The following RPS18 variants were observed in gnomAD, a reference collection of about 807,000 sequenced individuals.
RPS18 encodes small ribosomal subunit protein uS13.
For synonymous variants in RPS18, 64 were observed against 70.9 expected (o/e 0.90, Z 0.49); for missense variants, 49 against 200.8 (o/e 0.24, Z 4.57).
At chr6:33,272,825 C>T (rs1765323566) in intron 2 of RPS18, 99 bp downstream of exon 2, 3 of 754,630 alleles carry the variant, frequency 4.0e-6, no homozygotes, top group South Asian at 1.4e-5. Flanking sequence ...TGAGTCTCAT[C>T]CAGATCACCT....
At position 33,276,377 on chromosome 6, in the gene RPS18, CTT is replaced by C. The variant is rs761087626; in HGVS notation, c.384-10_384-9del. ...GCTGTGCATGACCTGTGACTCTTCTCTTTTTACCTGCAGCCTTCGTGTCCGAG... is the reference window on the plus strand; with the variant it reads ...GCTGTGCATGACCTGTGACTCTTCTCTTTACCTGCAGCCTTCGTGTCCGAG... On this transcript the variant is annotated splice_polypyrimidine_tract_variant and intron_variant, in intron 5 of 5. Transcript: ENST00000439602. The C allele has an allele frequency of 8.7e-6, 14 of 1,613,768 alleles. No individual in the cohort carries two copies. The highest frequency in any genetic ancestry group is 1.1e-5 in the Non-Finnish European group (13 of 1,179,818).
chr6:33,272,955 C>T (rs1026553450), intron 2 of RPS18, among the ~76,000 whole-genome samples: 4 of 152,142 alleles, frequency 2.6e-5, no homozygotes, highest in African/African-American at 9.7e-5. Context: ...AAACATTTCA[C>T]CTGGGGAAGT....
chr6:33,275,104 A>G (rs7771361), intron 2 of RPS18, among the ~76,000 whole-genome samples: 4,636 of 152,246 alleles, frequency 0.03, 157 homozygotes, highest in African/African-American at 0.085. Context: ...TGACAGCCCA[A>G]TACCTTAATC....
chr6:33,275,044 G>A (rs188626460), intron 2 of RPS18, among the ~76,000 whole-genome samples: 3 of 152,250 alleles, frequency 2.0e-5, no homozygotes, highest in Non-Finnish European at 1.5e-5. Context: ...TGATTATGGG[G>A]ATACAGTGAT....
At chr6:33,272,207 C>G (rs28362657) in intron 1 of RPS18, 85 bp downstream of exon 1, 1 of 1,439,712 alleles carries the variant, frequency 6.9e-7, no homozygotes, top group East Asian at 2.5e-5. Flanking sequence ...AAACGTCCTG[C>G]CCTGAGGGCC....
rs199680581 is a variant in RPS18, at chr6:33,275,782, C to T, written c.103-15C>T. On this transcript the variant is annotated splice_polypyrimidine_tract_variant and intron_variant, in intron 2 of 5. Coordinates refer to ENST00000439602, the MANE Select transcript of RPS18 (RefSeq NM_022551.3). The stretch of plus-strand genomic sequence containing the variant: ...CAGATTCAACACTAATTCCGAAACC[C>T]CTCACTTCATTCAGGGTGTGGGCCG... 2 of 1,562,792 alleles carry T rather than the reference C, an allele frequency of 1.3e-6. No homozygotes were observed. Among genetic ancestry groups the T allele is most frequent in the Admixed American group, 1.7e-5 (1 of 59,934 alleles).
rs139571817 is a variant in RPS18, at chr6:33,272,746, G to T, written c.102+20G>T. The T allele has an allele frequency of 8.6e-7, 1 of 1,159,504 alleles. No homozygotes were observed. The highest frequency in any genetic ancestry group is 1.7e-5 in the Admixed American group (1 of 59,462). 71.8% of individuals were successfully genotyped at this position (1,159,504 alleles called of 1,614,324 possible). A position where few individuals can be genotyped will look rare whatever the true frequency, so the allele number is the denominator to read the frequency against. ...ATTAAGGTAAGTGAAGTAGGGTAAG[G>T]AATAGGGAATGTAAATGAGAATTGG... On this transcript the variant is annotated intron_variant, in intron 2 of 5. Transcript: ENST00000439602.
In RPS18 at chr6:33,272,752, G is replaced by A. The variant is rs758579787; in HGVS notation, c.102+26G>A. Reference sequence around the variant, plus strand: ...GTAAGTGAAGTAGGGTAAGGAATAGGGAATGTAAATGAGAATTGGGTTGTG... The same window carrying A: ...GTAAGTGAAGTAGGGTAAGGAATAGAGAATGTAAATGAGAATTGGGTTGTG... On this transcript the variant is annotated intron_variant, in intron 2 of 5. Coordinates refer to ENST00000439602, the MANE Select transcript of RPS18 (RefSeq NM_022551.3). 2.7e-6 allele frequency: 3 copies of A among 1,120,668 alleles called. No individual in the cohort carries two copies. The Admixed American group carries it at 5.0e-5, about 19-fold the overall frequency. The allele number at this position is 1,120,668 out of a possible 1,614,324, so 69.4% of individuals were successfully genotyped here.
At position 33,273,193 on chromosome 6, in the gene RPS18, A is replaced by G. The variant is rs575121196; in HGVS notation, c.102+467A>G. 2.6e-5 allele frequency among the ~76,000 whole-genome samples: 4 copies of G among 152,228 alleles called. No individual in the cohort carries two copies. In the South Asian group the frequency reaches 8.3e-4, roughly 32 times the overall value. On this transcript the variant is annotated intron_variant, in intron 2 of 5. Coordinates refer to ENST00000439602, the MANE Select transcript of RPS18 (RefSeq NM_022551.3). ...AAGAAGCCTGTAGATGGAGGGTGGA[A>G]GAAGTCTGAGTGGGACATTTACTCA...
rs1341294500 is a variant in RPS18, at chr6:33,276,014, C to G, written c.239C>G (p.Pro80Arg). The change falls in exon 4 of 6, where the codon CCA (proline) becomes CGA (arginine). Residue 80 changes from proline to arginine, a missense_variant. Pro to Arg is a moderately radical substitution (Grantham distance 103). Transcript: ENST00000439602. Reference sequence around the variant, plus strand: ...CAGAATCCACGCCAGTACAAGATCCCAGACTGGTTCTTGAACAGACAGAAG... The same window carrying G: ...CAGAATCCACGCCAGTACAAGATCCGAGACTGGTTCTTGAACAGACAGAAG... ...IMQNPRQYKIPDWFLNRQKDV... is the reference protein window; with the variant it reads ...IMQNPRQYKIRDWFLNRQKDV... The G allele has an allele frequency of 6.2e-7, 1 of 1,614,016 alleles. No individual in the cohort carries two copies. Among genetic ancestry groups the G allele is most frequent in the Non-Finnish European group, 8.5e-7 (1 of 1,180,022 alleles).
intron 1 of RPS18, 197 bp from the exon 2 acceptor site, chr6:33,272,431 G>T: frequency 1.6e-6 from 1 of 616,956 alleles, no homozygotes; most frequent in Non-Finnish European, 2.9e-6. Flanking sequence ...ATTTTCCCAA[G>T]CTTGAACGCT....
In RPS18 at chr6:33,275,874, T is replaced by C; in HGVS notation, c.180T>C (p.Thr60=). The change falls in exon 3 of 6, where the codon ACT becomes ACC. Residue 60 remains threonine, a synonymous_variant. Coordinates refer to ENST00000439602, the MANE Select transcript of RPS18 (RefSeq NM_022551.3). The part of the protein sequence containing the change: ...IDLTKRAGEL[T]EDEVERVITI... ...TCACCAAGAGGGCGGGAGAACTCAC[T>C]GAGGATGAGGTGAGGACAAGGAAGG... The C allele has an allele frequency of 6.2e-7, 1 of 1,611,254 alleles. No homozygotes were observed. The highest frequency in any genetic ancestry group is 1.3e-5 in the African/African-American group (1 of 74,580).
At chr6:33,275,755 A>G in intron 2 of RPS18, 42 bp from the exon 3 acceptor site, 1 of 1,282,710 alleles carries the variant, frequency 7.8e-7, no homozygotes, top group Non-Finnish European at 1.1e-6. Context: ...GAATTTAAAA[A>G]TCAGATTCAA....
At position 33,272,092 on chromosome 6, in the gene RPS18, C is replaced by T. The variant is rs17215231; in HGVS notation, c.-28C>T. On this transcript the variant is annotated 5_prime_UTR_variant, in exon 1 of 6. Transcript: ENST00000439602. ...CTTCCGCTCTCTCTTCCACAGGAGG[C>T]CTACACGCCGCCGCTTGTGCTGCAG... The T allele has an allele frequency of 0.07, 109,407 of 1,564,604 alleles. 4,301 individuals carry two copies. The highest frequency in any genetic ancestry group is 0.11 in the Middle Eastern group (685 of 6,002).
chr6:33,275,479 C>T, intron 2 of RPS18: 1 of 316,740 alleles, frequency 3.2e-6, no homozygotes, highest in South Asian at 3.3e-5. Flanking sequence ...CCATGCTCAG[C>T]AACTTTTCTT....
intron 2 of RPS18, 133 bp from the exon 3 acceptor site, chr6:33,275,664 G>A: frequency 1.4e-6 from 1 of 727,332 alleles, no homozygotes; most frequent in African/African-American, 1.7e-5. Flanking sequence ...AAAGGTGGGT[G>A]AGGAAAGGGT....
chr6:33,274,392 G>T (rs1765494270), intron 2 of RPS18, among the ~76,000 whole-genome samples: 1 of 151,990 alleles, frequency 6.6e-6, no homozygotes, highest in Non-Finnish European at 1.5e-5. Flanking sequence ...GTCCAGGCTG[G>T]TCTTGAACTC....
At chr6:33,275,738 T>C (rs1765585787) in intron 2 of RPS18, 59 bp from the exon 3 acceptor site, 1 of 1,093,906 alleles carries the variant, frequency 9.1e-7, no homozygotes. Flanking sequence ...TGAATGAGGC[T>C]ATAAAGGAAT....
chr6:33,275,903 C>A lies in RPS18; in HGVS notation c.189+20C>A, dbSNP rs780421094. On this transcript the variant is annotated intron_variant, in intron 3 of 5. Coordinates refer to ENST00000439602, the MANE Select transcript of RPS18 (RefSeq NM_022551.3). The stretch of plus-strand genomic sequence containing the variant: ...GATGAGGTGAGGACAAGGAAGGGGG[C>A]TGGGGGTGGGGTCAGCCTCAGAAAG... 1.2e-6 allele frequency: 2 copies of A among 1,602,070 alleles called. No individual in the cohort carries two copies. Among genetic ancestry groups the A allele is most frequent in the Non-Finnish European group, 1.7e-6 (2 of 1,169,380 alleles).
Sources: gnomAD v4.1 joint callset for allele counts (sites outside exome capture counted in the v4.1 genomes callset) on GRCh38, gnomAD v4.1.1 for gene constraint, MANE v1.5 for transcripts, NCBI Gene and HGNC (gene_info 2026-07-23, HGNC 2026-07-21) for gene names.